GCNT3: variants seen among roughly 807,000 people sequenced by gnomAD.
The protein encoded by GCNT3 is beta-1,3-galactosyl-O-glycosyl-glycoprotein beta-1,6-N-acetylglucosaminyltransferase 3.
For synonymous variants in GCNT3, 269 were observed against 195.2 expected (o/e 1.38, Z -3.15); for missense variants, 708 against 530.3 (o/e 1.34, Z -3.29).
In GCNT3 at chr15:59,618,404, T is replaced by C. The variant is rs115401416; in HGVS notation, c.166T>C (p.Leu56=). The C allele has an allele frequency of 2.7e-4, 428 of 1,614,142 alleles. No homozygotes were observed. The African/African-American group carries it at 5.2e-3, about 20-fold the overall frequency. ...TCAAAGCCAGTACTGTAGGAATATC[T>C]TGTATAATTTCCTGAAACTTCCAGC... ...ESQSQYCRNI[L]YNFLKLPAKR... is the part of the protein sequence containing the mutation. The change falls in exon 3 of 3, where the codon TTG becomes CTG. Residue 56 remains leucine, a synonymous_variant. Transcript: ENST00000396065.
chr15:59,618,122 A>G (rs2141937626), intron 2 of GCNT3, 57 bp from the exon 3 acceptor site: 1 of 650,856 alleles, frequency 1.5e-6, no homozygotes. Flanking sequence ...TTGGAATTGA[A>G]CTTGATGTTT....
chr15:59,618,728 G>A lies in GCNT3; in HGVS notation c.490G>A (p.Val164Met), dbSNP rs937679417. The A allele has an allele frequency of 2.5e-6, 4 of 1,614,064 alleles. No individual in the cohort carries two copies. The African/African-American group carries it at 4.0e-5, about 16-fold the overall frequency. Residue 164 changes from valine to methionine, a missense_variant, in exon 3 of 3, where the codon GTG becomes ATG. Val to Met is a conservative substitution (Grantham distance 21). Coordinates refer to ENST00000396065, the MANE Select transcript of GCNT3 (RefSeq NM_004751.3). ...CCCTCAGAACATATACTGTGTCCAT[G>A]TGGATGAGAAGTCCCCAGAAACTTT... Reference protein sequence around the residue: ...YAPQNIYCVHVDEKSPETFKE... With the variant: ...YAPQNIYCVHMDEKSPETFKE...
rs1245670181 is a variant in GCNT3, at chr15:59,620,682, G to A, written c.*1127G>A. On this transcript the variant is annotated 3_prime_UTR_variant, in exon 3 of 3. Coordinates refer to ENST00000396065, the MANE Select transcript of GCNT3 (RefSeq NM_004751.3). Reference sequence around the variant, plus strand: ...ACTTTACAGCCAAAGCTTAGCTAATGTTCCATAAAGGAGATAATAGCCAAT... The same window carrying A: ...ACTTTACAGCCAAAGCTTAGCTAATATTCCATAAAGGAGATAATAGCCAAT... 1 of 166,912 alleles carries A rather than the reference G, an allele frequency of 6.0e-6. No homozygotes were observed. The highest frequency in any genetic ancestry group is 1.5e-5 in the Non-Finnish European group (1 of 68,106). The allele number at this position is 166,912 out of a possible 1,614,324, so 10.3% of individuals were successfully genotyped here.
intron 2 of GCNT3, 187 bp from the exon 3 acceptor site, chr15:59,617,992 G>T (rs2082727404): frequency 3.0e-6 from 1 of 331,670 alleles, no homozygotes; most frequent in East Asian, 5.0e-5. Flanking sequence ...ACTTGAGTGT[G>T]GTCGGCTAGT....
intron 1 of GCNT3, among the ~76,000 whole-genome samples, chr15:59,615,765 G>A (rs2082716991): frequency 6.6e-6 from 1 of 151,938 alleles, no homozygotes; most frequent in African/African-American, 2.4e-5. Flanking sequence ...GTGTGTGCCT[G>A]TGGTCCCAGC....
intron 1 of GCNT3, among the ~76,000 whole-genome samples, chr15:59,613,530 T>A (rs2082705573): frequency 7.4e-6 from 1 of 134,802 alleles, no homozygotes; most frequent in Admixed American, 8.0e-5. Flanking sequence ...AAACTCCATC[T>A]CTACAATAAA....
rs1427665363 is a variant in GCNT3 at position 59,620,900 on chromosome 15, T to TTTTTTG, written c.*1345_*1346insTTTTTG. 1.4e-5 allele frequency: 2 copies of TTTTTTG among 144,268 alleles called. No homozygotes were observed. The highest frequency in any genetic ancestry group is 5.5e-5 in the African/African-American group (2 of 36,660). 8.9% of individuals were successfully genotyped at this position (144,268 alleles called of 1,614,324 possible). A position where few individuals can be genotyped will look rare whatever the true frequency, so the allele number is the denominator to read the frequency against. On this transcript the variant is annotated 3_prime_UTR_variant, in exon 3 of 3. Transcript: ENST00000396065. ...TTTTTTTTTTTTTTTTTTTTTTTTT[T>TTTTTTG]GGAGACAGGTTCTCACTCTGTTGCC...
rs144042678 is a variant in GCNT3 at position 59,619,658 on chromosome 15, G to A, written c.*103G>A. 1.1e-4 allele frequency: 79 copies of A among 752,016 alleles called. No homozygotes were observed. Among genetic ancestry groups the A allele is most frequent in the African/African-American group, 2.8e-4 (16 of 57,344 alleles). 46.6% of individuals were successfully genotyped at this position (752,016 alleles called of 1,614,324 possible). Reference sequence around the variant, plus strand: ...GTGGGAGACCAGGGCTTTGCAATTCGTGGCATCCTTTAGGATAAGAGGGCT... The same window carrying A: ...GTGGGAGACCAGGGCTTTGCAATTCATGGCATCCTTTAGGATAAGAGGGCT... On this transcript the variant is annotated 3_prime_UTR_variant, in exon 3 of 3. Coordinates refer to ENST00000396065, the MANE Select transcript of GCNT3 (RefSeq NM_004751.3).
In GCNT3 at chr15:59,618,835, C is replaced by G; in HGVS notation, c.597C>G (p.Ser199=). Residue 199 remains serine (S), a synonymous_variant, in exon 3 of 3, where the codon TCC becomes TCG. Transcript: ENST00000396065. ...AGCTGGTTCGGGTGGTTTATGCCTC[C>G]TGGTCCAGGGTGCAAGCTGACCTCA... ...ASKLVRVVYA[S]WSRVQADLNC... The G allele has an allele frequency of 6.2e-7, 1 of 1,614,188 alleles. No homozygotes were observed. Among genetic ancestry groups the G allele is most frequent in the Non-Finnish European group, 8.5e-7 (1 of 1,180,000 alleles).
chr15:59,622,708 A>C lies in GCNT3; in HGVS notation c.*3153A>C, dbSNP rs1170638396. ...ATTTATAATTTTTTATATAAATAAA[A>C]AGATTAAAATGTGAACTTGTCATTT... On this transcript the variant is annotated 3_prime_UTR_variant, in exon 3 of 3. Transcript: ENST00000396065. 1.2e-4 allele frequency: 19 copies of C among 152,232 alleles called. 1 individual carries two copies. Among genetic ancestry groups the C allele is most frequent in the Admixed American group, 1.2e-3 (19 of 15,280 alleles). The allele number at this position is 152,232 out of a possible 1,614,324, so 9.4% of individuals were successfully genotyped here.
chr15:59,619,219 C>T lies in GCNT3; in HGVS notation c.981C>T (p.Ser327=). The T allele has an allele frequency of 1.2e-6, 2 of 1,614,024 alleles. No individual in the cohort carries two copies. Among genetic ancestry groups the T allele is most frequent in the Non-Finnish European group, 1.7e-6 (2 of 1,179,964 alleles). ...QLIEWVKDTY[S]PDEHLWATLQ... The stretch of plus-strand genomic sequence containing the variant: ...TTGAATGGGTAAAAGACACTTATAG[C>T]CCAGATGAACACCTCTGGGCCACCC... Residue 327 remains serine, a synonymous_variant, in exon 3 of 3, where the codon AGC becomes AGT. Coordinates refer to ENST00000396065, the MANE Select transcript of GCNT3 (RefSeq NM_004751.3).
rs1184236959 is a variant in GCNT3 at position 59,622,324 on chromosome 15, A to T, written c.*2769A>T. On this transcript the variant is annotated 3_prime_UTR_variant, in exon 3 of 3. Transcript: ENST00000396065. ...CCAGACTGAGTCTCAAAAAAAAAAA[A>T]AAAGTTACCTTTTTTTGGTAAGGTT... 6.6e-6 allele frequency: 1 copy of T among 152,120 alleles called. No individual in the cohort carries two copies. The highest frequency in any genetic ancestry group is 1.5e-5 in the Non-Finnish European group (1 of 68,022). 9.4% of individuals were successfully genotyped at this position (152,120 alleles called of 1,614,324 possible).
chr15:59,619,789 C>T lies in GCNT3; in HGVS notation c.*234C>T, dbSNP rs1222374810. ...CCCTAGTAGTTCCTCCACTAACTTT[C>T]TCACTAAGTGAGAATGAGAACTGCT... On this transcript the variant is annotated 3_prime_UTR_variant, in exon 3 of 3. Transcript: ENST00000396065. 9.3e-6 allele frequency: 4 copies of T among 430,932 alleles called. No individual in the cohort carries two copies. The Admixed American group carries it at 1.5e-4, about 17-fold the overall frequency. The allele number at this position is 430,932 out of a possible 1,614,324, so 26.7% of individuals were successfully genotyped here.
At chr15:59,614,609 G>A (rs559493471) in intron 1 of GCNT3, among the ~76,000 whole-genome samples, 2 of 152,290 alleles carry the variant, frequency 1.3e-5, no homozygotes, top group South Asian at 4.1e-4. Context: ...TGGCACTGGG[G>A]GCAGTGTAGC....
At position 59,619,062 on chromosome 15, in the gene GCNT3, C is replaced by G; in HGVS notation, c.824C>G (p.Thr275Arg). 3 of 1,614,056 alleles carry G rather than the reference C, an allele frequency of 1.9e-6. No individual in the cohort carries two copies. Among genetic ancestry groups the G allele is most frequent in the Non-Finnish European group, 2.5e-6 (3 of 1,179,906 alleles). ...WKYHFEVVRD[T>R]LHLTNKKKDP... is the part of the protein sequence containing the mutation. ...TATCACTTTGAGGTAGTGAGAGACA[C>G]ATTACACCTAACCAACAAGAAGAAG... The change falls in exon 3 of 3, where the codon ACA becomes AGA. Residue 275 changes from threonine to arginine, a missense_variant. Coordinates refer to ENST00000396065, the MANE Select transcript of GCNT3 (RefSeq NM_004751.3).
At position 59,618,961 on chromosome 15, in the gene GCNT3, G is replaced by C; in HGVS notation, c.723G>C (p.Gln241His). 1 of 1,614,060 alleles carries C rather than the reference G, an allele frequency of 6.2e-7. No individual in the cohort carries two copies. Among genetic ancestry groups the C allele is most frequent in the South Asian group, 1.1e-5 (1 of 91,082 alleles). The change falls in exon 3 of 3, where the codon CAG becomes CAC. Residue 241 changes from glutamine to histidine, a missense_variant. Gln to His is a conservative substitution (Grantham distance 24). Transcript: ENST00000396065. ...TAAAGAGCAATGCAGAGATGGTCCA[G>C]GCTCTCAAGATGTTGAATGGGAGGA... ...FPIKSNAEMV[Q>H]ALKMLNGRNS...
At position 59,619,768 on chromosome 15, in the gene GCNT3, A is replaced by C. The variant is rs2082739137; in HGVS notation, c.*213A>C. The stretch of plus-strand genomic sequence containing the variant: ...TGCTTGTTCTCTCACCCCTAACCCT[A>C]GTAGTTCCTCCACTAACTTTCTCAC... On this transcript the variant is annotated 3_prime_UTR_variant, in exon 3 of 3. Transcript: ENST00000396065. The C allele has an allele frequency of 4.1e-6, 2 of 492,560 alleles. No individual in the cohort carries two copies. The highest frequency in any genetic ancestry group is 7.1e-5 in the Admixed American group (2 of 28,226). The allele number at this position is 492,560 out of a possible 1,614,324, so 30.5% of individuals were successfully genotyped here.
intron 2 of GCNT3, 83 bp downstream of exon 2, chr15:59,616,964 T>C (rs2082722254): frequency 2.0e-5 from 3 of 152,148 alleles, no homozygotes; most frequent in Admixed American, 2.0e-4. Flanking sequence ...TTCTTGTGTT[T>C]AGGAAGAGCT....
intron 1 of GCNT3, among the ~76,000 whole-genome samples, chr15:59,613,443 G>A (rs1274565688): frequency 2.0e-5 from 3 of 151,748 alleles, no homozygotes; most frequent in Non-Finnish European, 4.4e-5. Context: ...GCTCATACCT[G>A]TAATCCTAGC....
Sources: allele counts gnomAD v4.1 joint callset (sites outside exome capture counted in the v4.1 genomes callset), GRCh38; gene constraint gnomAD v4.1.1; transcripts MANE v1.5; gene names NCBI Gene and HGNC (gene_info 2026-07-23, HGNC 2026-07-21).